The following LUZP1 variants were observed in gnomAD, a reference collection of about 807,000 sequenced individuals.
LUZP1 encodes leucine zipper protein 1, also known as filamin mechanobinding actin cross-linking protein.
Under a neutral mutation model 71.3 loss-of-function variants are expected in LUZP1, and 25 were observed. That is an observed-to-expected ratio of 0.35 (90% CI 0.26 to 0.49). The LOEUF (loss-of-function observed/expected upper bound fraction) is 0.49, where lower values mean the gene tolerates loss of function less well. LUZP1 is among the 20% of genes least tolerant of loss of function. LUZP1 has a pLI of 0.99. For missense variants in LUZP1, 1,142 were observed against 1,300.8 expected (o/e 0.88, Z 1.88); for synonymous variants, 481 against 506.4 (o/e 0.95, Z 0.67).
chr1:23,091,610 C>T lies in LUZP1; in HGVS notation c.2652G>A (p.Ser884=), dbSNP rs139322781. 6.2e-6 allele frequency: 10 copies of T among 1,614,008 alleles called. No individual in the cohort carries two copies. The East Asian group carries it at 1.1e-4, about 18-fold the overall frequency. ...CATGGCTATTCCTCTCCACAGGATC[C>T]GATGGCTTGATTATAATGCTGCTCC... is the stretch of plus-strand genomic sequence containing the variant. Residue 884 remains serine, a synonymous_variant, in exon 4 of 5, where the codon TCG becomes TCA. Coordinates refer to ENST00000302291, the Ensembl canonical transcript of LUZP1.
At chr1:23,147,126 T>C (rs1265633487) in intron 2 of LUZP1, among the ~76,000 whole-genome samples, 1 of 146,554 alleles carries the variant, frequency 6.8e-6, no homozygotes, top group East Asian at 2.0e-4. Context: ...ATAATAATAA[T>C]AACTACATGG....
chr1:23,099,298 G>A (rs191747898), intron 3 of LUZP1, among the ~76,000 whole-genome samples: 1 of 152,198 alleles, frequency 6.6e-6, no homozygotes, highest in Non-Finnish European at 1.5e-5. Context: ...TTAAATGAGT[G>A]TATGATACAA....
chr1:23,174,185 A>C (rs891179970), intron 1 of LUZP1, among the ~76,000 whole-genome samples: 3 of 152,154 alleles, frequency 2.0e-5, no homozygotes, highest in Non-Finnish European at 2.9e-5. Flanking sequence ...GTGGGCAGGG[A>C]AGTGCTGGTA....
rs1643882732 is a variant in LUZP1 at position 23,094,487 on chromosome 1, G to C, written c.-119-107C>G. The C allele has an allele frequency of 2.8e-6, 2 of 707,690 alleles. No homozygotes were observed. The highest frequency in any genetic ancestry group is 1.8e-5 in the African/African-American group (1 of 54,470). The allele number at this position is 707,690 out of a possible 1,614,324, so 43.8% of individuals were successfully genotyped here. A position where few individuals can be genotyped will look rare whatever the true frequency, so the allele number is the denominator to read the frequency against. On this transcript the variant is annotated intron_variant, in intron 3 of 4. Coordinates refer to ENST00000302291, the Ensembl canonical transcript of LUZP1. This position sits in a 1 kb window ranked among gnomAD's most constrained non-coding sequence, Gnocchi z 4.7. ...ATCTGTTCCTGGTGCCTGGATCATA[G>C]CAGGGGCTCAAACCTGTTGAATGAA...
intron 2 of LUZP1, among the ~76,000 whole-genome samples, chr1:23,154,298 A>G (rs531286656): frequency 6.6e-6 from 1 of 152,226 alleles, no homozygotes; most frequent in South Asian, 2.1e-4. Context: ...TTGGGAGGCC[A>G]CAGTGGGAGG....
rs1214598911 is a variant in LUZP1, at chr1:23,102,197, A to G, written c.-120+6825T>C. 2.6e-5 allele frequency among the ~76,000 whole-genome samples: 4 copies of G among 152,188 alleles called. No individual in the cohort carries two copies. The East Asian group carries it at 7.7e-4, about 29-fold the overall frequency. On this transcript the variant is annotated intron_variant, in intron 3 of 4. Coordinates refer to ENST00000302291, the Ensembl canonical transcript of LUZP1. ...AAAGGGAAGGACAGTCTCACTTTTC[A>G]TGCCACCCCTACATTAGTACCTGGC...
At chr1:23,092,625 A>G (rs781781131) in exon 4 of LUZP1, 1 of 1,614,212 alleles carries the variant, frequency 6.2e-7, no homozygotes, top group South Asian at 1.1e-5. Flanking sequence ...TCCGTTGCCA[A>G]GCACGTGTCC....
At chr1:23,173,545 T>C (rs1351210693) in intron 1 of LUZP1, among the ~76,000 whole-genome samples, 1 of 151,636 alleles carries the variant, frequency 6.6e-6, no homozygotes, top group Non-Finnish European at 1.5e-5. Context: ...TTGGTAGAGA[T>C]GGGGTTTCAC....
intron 3 of LUZP1, among the ~76,000 whole-genome samples, chr1:23,099,650 C>T (rs987861388): frequency 1.3e-5 from 2 of 152,082 alleles, no homozygotes; most frequent in African/African-American, 2.4e-5. Flanking sequence ...ATTATACCAC[C>T]GTTTTATTTA....
At chr1:23,156,735 T>G (rs540586401) in intron 2 of LUZP1, among the ~76,000 whole-genome samples, 10 of 152,298 alleles carry the variant, frequency 6.6e-5, no homozygotes, top group Admixed American at 6.5e-4. Flanking sequence ...ACTGGGCGCA[T>G]CTTCCAATCA....
At chr1:23,129,362 A>T (rs1234643669) in intron 2 of LUZP1, among the ~76,000 whole-genome samples, 1 of 152,178 alleles carries the variant, frequency 6.6e-6, no homozygotes, top group Non-Finnish European at 1.5e-5. Context: ...CAGGCAGATC[A>T]CCTGAGGTCA....
At chr1:23,104,628 G>C (rs1334607477) in intron 3 of LUZP1, among the ~76,000 whole-genome samples, 1 of 152,036 alleles carries the variant, frequency 6.6e-6, no homozygotes, top group Non-Finnish European at 1.5e-5. Flanking sequence ...TCCTCTGCTG[G>C]GCTCTGAGAG....
intron 2 of LUZP1, among the ~76,000 whole-genome samples, chr1:23,110,252 G>A (rs999224231): frequency 9.2e-5 from 14 of 152,096 alleles, no homozygotes; most frequent in African/African-American, 3.1e-4. Flanking sequence ...TTTTCTTTCT[G>A]CAAACTTACC....
At chr1:23,116,281 TG>T (rs1486985183) in intron 2 of LUZP1, among the ~76,000 whole-genome samples, 1 of 152,144 alleles carries the variant, frequency 6.6e-6, no homozygotes, top group Non-Finnish European at 1.5e-5. Context: ...CTCGGGTGGC[TG>T]AAGTGGGAGG....
chr1:23,130,719 T>C (rs1032817865), intron 2 of LUZP1, among the ~76,000 whole-genome samples: 3 of 152,070 alleles, frequency 2.0e-5, no homozygotes, highest in Non-Finnish European at 2.9e-5. Context: ...AATCCTTCCA[T>C]TGTTTTATGG....
intron 2 of LUZP1, among the ~76,000 whole-genome samples, chr1:23,164,747 T>A (rs1306677547): frequency 6.6e-6 from 1 of 152,166 alleles, no homozygotes; most frequent in African/African-American, 2.4e-5. Context: ...GGAATATTAC[T>A]TAAAACAAGT....
chr1:23,118,378 A>G (rs1006651051), intron 2 of LUZP1, among the ~76,000 whole-genome samples: 4 of 152,202 alleles, frequency 2.6e-5, no homozygotes, highest in African/African-American at 9.6e-5. Flanking sequence ...AGCCTGGGCA[A>G]GAGAGCAAGA....
At chr1:23,164,491 CAA>C (rs1210956931) in intron 2 of LUZP1, among the ~76,000 whole-genome samples, 1 of 108,796 alleles carries the variant, frequency 9.2e-6, no homozygotes. Flanking sequence ...GACACCGTCT[CAA>C]AAAAAAAAAA....
intron 2 of LUZP1, among the ~76,000 whole-genome samples, chr1:23,145,593 C>G (rs1477081211): frequency 6.6e-6 from 1 of 151,906 alleles, no homozygotes; most frequent in Admixed American, 6.6e-5. Context: ...TCTCAGCCTC[C>G]TGAGTAGGTG....
Sources: allele counts gnomAD v4.1 joint callset (sites outside exome capture counted in the v4.1 genomes callset), GRCh38; gene constraint gnomAD v4.1.1; non-coding constraint Gnocchi (gnomAD v3.1); transcripts MANE v1.5; gene names NCBI Gene and HGNC (gene_info 2026-07-23, HGNC 2026-07-21).